The following CDH4 variants were observed in gnomAD, a reference collection of about 807,000 sequenced individuals.
CDH4 encodes the protein cadherin-4.
CDH4 carries 33 observed loss-of-function variants against 86.0 expected under a neutral mutation model. The ratio of observed to expected loss-of-function variants is 0.38; its 90% CI spans 0.29 to 0.51. The LOEUF (loss-of-function observed/expected upper bound fraction) is 0.51, where lower values mean the gene tolerates loss of function less well. Ranked by LOEUF, CDH4 falls within the 20% of genes least tolerant of loss-of-function variation. CDH4 has a pLI of 0.86. For missense variants in CDH4, 1,114 were observed against 1,307.4 expected (o/e 0.85, Z 2.28); for synonymous variants, 555 against 549.4 (o/e 1.01, Z -0.14).
intron 2 of CDH4, among the ~76,000 whole-genome samples, chr20:61,360,364 C>A (rs1055634760): frequency 6.6e-6 from 1 of 152,176 alleles, no homozygotes; most frequent in African/African-American, 2.4e-5. Context: ...GCCCTCGGAG[C>A]AGGGCAGAAG....
At chr20:61,635,504 G>T (rs2086937251) in intron 2 of CDH4, among the ~76,000 whole-genome samples, 1 of 152,196 alleles carries the variant, frequency 6.6e-6, no homozygotes, top group South Asian at 2.1e-4. Flanking sequence ...AGACCTTCAG[G>T]GTCTCAGCTG....
chr20:61,914,553 A>T (rs1037857540), intron 9 of CDH4, among the ~76,000 whole-genome samples: 2 of 152,076 alleles, frequency 1.3e-5, no homozygotes, highest in Non-Finnish European at 2.9e-5. Context: ...GCTCAGCCTC[A>T]GCAGAATAAC....
chr20:61,269,153 C>G lies in CDH4; in HGVS notation c.169+14216C>G, dbSNP rs982601232. On this transcript the variant is annotated intron_variant, in intron 2 of 15. Coordinates refer to ENST00000614565, the MANE Select transcript of CDH4 (RefSeq NM_001794.5). This position sits in a 1 kb window ranked among gnomAD's most constrained non-coding sequence, Gnocchi z 5.3. ...TCCCCATGCCGGGTGCTGCACCGTA[C>G]CAGCTGGGTTCATCTGCATGACCAC... is the stretch of plus-strand genomic sequence containing the variant. Among the ~76,000 whole-genome samples the G allele has an allele frequency of 2.0e-5, 3 of 152,202 alleles. No homozygotes were observed. The highest frequency in any genetic ancestry group is 2.0e-4 in the Admixed American group (3 of 15,292).
At chr20:61,331,792 G>A (rs1489565696) in intron 2 of CDH4, among the ~76,000 whole-genome samples, 1 of 137,450 alleles carries the variant, frequency 7.3e-6, no homozygotes, top group Non-Finnish European at 1.6e-5. Context: ...CCTGCCTGCA[G>A]CAGTCTTGAG....
chr20:61,617,585 G>A (rs957184379), intron 2 of CDH4, among the ~76,000 whole-genome samples: 1 of 152,226 alleles, frequency 6.6e-6, no homozygotes, highest in African/African-American at 2.4e-5. Flanking sequence ...TGGGTCACAG[G>A]TTCGAAATCT....
At chr20:61,414,272 T>C (rs1176699332) in intron 2 of CDH4, among the ~76,000 whole-genome samples, 1 of 152,166 alleles carries the variant, frequency 6.6e-6, no homozygotes, top group Non-Finnish European at 1.5e-5. Flanking sequence ...CTCACTGGAG[T>C]GGGCAGGGCA....
chr20:61,873,153 G>A (rs1426329577), intron 6 of CDH4, among the ~76,000 whole-genome samples: 1 of 152,184 alleles, frequency 6.6e-6, no homozygotes, highest in African/African-American at 2.4e-5. Flanking sequence ...CCAGTCCCAG[G>A]GCGCCCCCAG....
chr20:61,932,502 G>C lies in CDH4; in HGVS notation c.2240-483G>C, dbSNP rs773611863. On this transcript the variant is annotated intron_variant, in intron 13 of 15. Transcript: ENST00000614565. ...GCCCCATGAGCATACACAGACACACGAAGTACACATGGACACATGCACACA... is the reference window on the plus strand; with the variant it reads ...GCCCCATGAGCATACACAGACACACCAAGTACACATGGACACATGCACACA... Among the ~76,000 whole-genome samples the C allele has an allele frequency of 3.3e-5, 5 of 151,960 alleles. 1 individual carries two copies. Among genetic ancestry groups the C allele is most frequent in the South Asian group, 4.1e-4 (2 of 4,828 alleles).
At chr20:61,524,352 C>T (rs971853649) in intron 2 of CDH4, among the ~76,000 whole-genome samples, 15 of 152,154 alleles carry the variant, frequency 9.9e-5, no homozygotes, top group African/African-American at 3.6e-4. Flanking sequence ...CACCTGCATT[C>T]GTGCGATTGT....
intron 13 of CDH4, 149 bp from the exon 14 acceptor site, chr20:61,932,834 CGT>C: frequency 9.9e-7 from 1 of 1,011,750 alleles, no homozygotes. Context: ...GAGACATGCG[CGT>C]GTGCAGTACA....
chr20:61,678,352 A>T (rs2087470463), intron 2 of CDH4, among the ~76,000 whole-genome samples: 1 of 152,208 alleles, frequency 6.6e-6, no homozygotes, highest in South Asian at 2.1e-4. Context: ...GTAGATCAGT[A>T]TAGACATGGG....
chr20:61,422,411 C>G (rs915146022), intron 2 of CDH4, among the ~76,000 whole-genome samples: 14 of 84,344 alleles, frequency 1.7e-4, no homozygotes, highest in Admixed American at 8.8e-4. Context: ...GCAATAAGAG[C>G]AAAACTCCGT....
intron 2 of CDH4, among the ~76,000 whole-genome samples, chr20:61,479,718 C>T (rs2085558761): frequency 6.6e-6 from 1 of 152,134 alleles, no homozygotes; most frequent in Non-Finnish European, 1.5e-5. Flanking sequence ...GTTTGCTGAG[C>T]TTCTTGGATC....
intron 2 of CDH4, among the ~76,000 whole-genome samples, chr20:61,541,726 T>C (rs115622698): frequency 6.6e-6 from 1 of 152,346 alleles, no homozygotes; most frequent in African/African-American, 2.4e-5. Context: ...TGGCTTTTTC[T>C]TCTCACTTAA....
At chr20:61,521,906 G>T (rs1418027130) in intron 2 of CDH4, among the ~76,000 whole-genome samples, 1 of 152,196 alleles carries the variant, frequency 6.6e-6, no homozygotes, top group Non-Finnish European at 1.5e-5. Context: ...AGCATTGCGG[G>T]CCACCTTGCT....
intron 2 of CDH4, among the ~76,000 whole-genome samples, chr20:61,313,194 T>G (rs944593969): frequency 8.0e-4 from 121 of 152,198 alleles, no homozygotes; most frequent in African/African-American, 2.8e-3. Context: ...AATCGTGCAC[T>G]ACGTGGGGCC....
chr20:61,759,216 A>G (rs1320849278), intron 3 of CDH4, among the ~76,000 whole-genome samples: 1 of 152,182 alleles, frequency 6.6e-6, no homozygotes, highest in Non-Finnish European at 1.5e-5. Context: ...TCTCAGACCA[A>G]TACGTTTGTG....
intron 2 of CDH4, among the ~76,000 whole-genome samples, chr20:61,383,083 A>G: frequency 8.4e-6 from 1 of 118,798 alleles, no homozygotes; most frequent in Non-Finnish European, 1.7e-5. Context: ...TATAATATAT[A>G]TATGAATATA....
intron 2 of CDH4, among the ~76,000 whole-genome samples, chr20:61,556,928 G>A (rs2086182462): frequency 1.3e-5 from 2 of 152,026 alleles, no homozygotes. Flanking sequence ...CCCCGCCTCA[G>A]TTTGGGGCCT....
Sources: allele counts gnomAD v4.1 joint callset (sites outside exome capture counted in the v4.1 genomes callset), GRCh38; gene constraint gnomAD v4.1.1; non-coding constraint Gnocchi (gnomAD v3.1); transcripts MANE v1.5; gene names NCBI Gene and HGNC (gene_info 2026-07-23, HGNC 2026-07-21).